TMEM52B: variants seen among roughly 807,000 people sequenced by gnomAD.
TMEM52B encodes the protein transmembrane protein 52B, also known as chromosome 12 open reading frame 59.
In TMEM52B, 11 loss-of-function variants were observed where a neutral mutation model predicts 16.1. The ratio of observed to expected loss-of-function variants is 0.68; its 90% confidence interval spans 0.43 to 1.13. TMEM52B has a LOEUF of 1.13. Among genes scored for constraint, TMEM52B ranks in the 50% most tolerant of loss-of-function variants. The pLI, the probability that TMEM52B is intolerant of heterozygous loss-of-function variation, is 0.00. For synonymous variants in TMEM52B, 101 were observed against 93.8 expected (o/e 1.08, Z -0.45); for missense variants, 243 against 230.4 (o/e 1.05, Z -0.35).
chr12:10,171,901 T>C (rs1466858921), intron 1 of TMEM52B: 2 of 794,404 alleles, frequency 2.5e-6, no homozygotes, highest in African/African-American at 1.7e-5. Flanking sequence ...TATTTTCCCA[T>C]ACTTGGGTGT....
intron 3 of TMEM52B, among the ~76,000 whole-genome samples, chr12:10,185,599 C>A (rs1591991301): frequency 6.6e-6 from 1 of 152,172 alleles, no homozygotes; most frequent in Non-Finnish European, 1.5e-5. Flanking sequence ...ACGAAGATTA[C>A]TTTAGTGAAT....
chr12:10,184,495 T>C (rs1948858136), intron 2 of TMEM52B, among the ~76,000 whole-genome samples: 1 of 152,030 alleles, frequency 6.6e-6, no homozygotes, highest in African/African-American at 2.4e-5. Context: ...AAGCAGGTGG[T>C]GTTGGCATTG....
intron 1 of TMEM52B, among the ~76,000 whole-genome samples, chr12:10,180,065 T>C (rs1948804708): frequency 6.6e-6 from 1 of 152,202 alleles, no homozygotes; most frequent in Non-Finnish European, 1.5e-5. Flanking sequence ...GAGGCAGGGC[T>C]CTTTTAAAAT....
rs780407207 is a variant in TMEM52B at position 10,189,888 on chromosome 12, C to G, written c.308-8C>G. On this transcript the variant is annotated splice_region_variant and splice_polypyrimidine_tract_variant and intron_variant, in intron 4 of 4. Transcript: ENST00000543484. ...AGTTTCTTAGCTCTGTTCCTTCTTTCTTCACAGCTCTGCAGTCGGTGTTTG... is the reference window on the plus strand; with the variant it reads ...AGTTTCTTAGCTCTGTTCCTTCTTTGTTCACAGCTCTGCAGTCGGTGTTTG... 31 of 1,613,104 alleles carry G rather than the reference C, an allele frequency of 1.9e-5. No individual in the cohort carries two copies. Among genetic ancestry groups the G allele is most frequent in the Non-Finnish European group, 2.5e-5 (30 of 1,179,900 alleles).
At position 10,181,853 on chromosome 12, in the gene TMEM52B, C is replaced by A. The variant is rs184008045; in HGVS notation, c.55-697C>A. On this transcript the variant is annotated intron_variant, in intron 1 of 4. Transcript: ENST00000543484. ...ACTAGCCTGGCCAACATGGTGAAACCCTGTGTCTACTAAAAATACAAAAAT... is the reference window on the plus strand; with the variant it reads ...ACTAGCCTGGCCAACATGGTGAAACACTGTGTCTACTAAAAATACAAAAAT... Among the ~76,000 whole-genome samples the A allele has an allele frequency of 8.0e-5, 12 of 150,668 alleles. No individual in the cohort carries two copies. The East Asian group carries it at 2.4e-3, about 30-fold the overall frequency.
intron 2 of TMEM52B, among the ~76,000 whole-genome samples, chr12:10,183,110 A>T (rs73262623): frequency 0.018 from 2,684 of 152,354 alleles, 75 homozygotes; most frequent in African/African-American, 0.061. Context: ...CACAGAGGAC[A>T]TGAAGATAAA....
chr12:10,179,529 A>G lies in TMEM52B; in HGVS notation c.-46A>G. The stretch of plus-strand genomic sequence containing the variant: ...ATGGCACAGAGCATTGAAAGGAGGC[A>G]ACGGATGCCCAGTGCAAGATTCTGA... On this transcript the variant is annotated 5_prime_UTR_variant, in exon 1 of 5. Transcript: ENST00000543484. The G allele has an allele frequency of 6.2e-7, 1 of 1,606,268 alleles. No individual in the cohort carries two copies. Among genetic ancestry groups the G allele is most frequent in the Non-Finnish European group, 8.5e-7 (1 of 1,172,798 alleles).
chr12:10,185,129 C>T (rs1462533688), intron 2 of TMEM52B, among the ~76,000 whole-genome samples: 1 of 152,118 alleles, frequency 6.6e-6, no homozygotes, highest in Non-Finnish European at 1.5e-5. Flanking sequence ...CAGACAATGC[C>T]ATCTATAGTA....
intron 1 of TMEM52B, chr12:10,172,180 T>A (rs187602041): frequency 8.0e-6 from 6 of 752,278 alleles, no homozygotes; most frequent in Non-Finnish European, 1.4e-5. Context: ...TACTGTTATC[T>A]AATAGAAGAA....
intron 1 of TMEM52B, among the ~76,000 whole-genome samples, chr12:10,172,789 G>A (rs919498689): frequency 6.6e-6 from 1 of 152,092 alleles, no homozygotes; most frequent in Non-Finnish European, 1.5e-5. Context: ...CTATGTCTTT[G>A]TCTGGAAATT....
chr12:10,177,817 T>A (rs1001320835), upstream of TMEM52B, among the ~76,000 whole-genome samples: 11 of 145,300 alleles, frequency 7.6e-5, 1 homozygote, highest in South Asian at 1.7e-3. Context: ...AATAATAATT[T>A]TTTTATTAAA....
rs892530409 is a variant in TMEM52B at position 10,190,304 on chromosome 12, C to T, written c.*164C>T. 20 of 905,134 alleles carry T rather than the reference C, an allele frequency of 2.2e-5. No homozygotes were observed. The highest frequency in any genetic ancestry group is 1.0e-4 in the African/African-American group (6 of 59,594). 56.1% of individuals were successfully genotyped at this position (905,134 alleles called of 1,614,324 possible). A position where few individuals can be genotyped will look rare whatever the true frequency, so the allele number is the denominator to read the frequency against. The stretch of plus-strand genomic sequence containing the variant: ...TTCGTTCACAGGCCTTTATATCTTC[C>T]GATACAGAATGCTCTAATTGGGAAC... On this transcript the variant is annotated 3_prime_UTR_variant, in exon 5 of 5. Transcript: ENST00000543484.
At position 10,186,408 on chromosome 12, in the gene TMEM52B, G is replaced by T. The variant is rs777157262; in HGVS notation, c.138-12G>T. ...ATCCCAGAGCTCCCACTCGCCCCGT[G>T]GGCTTTTGCAGGTTGCTAGTGGTAA... is the stretch of plus-strand genomic sequence containing the variant. On this transcript the variant is annotated splice_polypyrimidine_tract_variant and intron_variant, in intron 3 of 4. Coordinates refer to ENST00000543484, the MANE Select transcript of TMEM52B (RefSeq NM_001384896.1). 7 of 1,594,474 alleles carry T rather than the reference G, an allele frequency of 4.4e-6. No homozygotes were observed. In the South Asian group the frequency reaches 7.9e-5, roughly 18 times the overall value.
At chr12:10,185,752 T>A (rs1948871891) in intron 3 of TMEM52B, among the ~76,000 whole-genome samples, 1 of 151,106 alleles carries the variant, frequency 6.6e-6, no homozygotes, top group Admixed American at 6.6e-5. Context: ...CTATTAAAAA[T>A]ACAAAAAAAG....
chr12:10,183,598 A>G (rs7976248), intron 2 of TMEM52B, among the ~76,000 whole-genome samples: 2,330 of 152,306 alleles, frequency 0.015, 63 homozygotes, highest in African/African-American at 0.054. Context: ...ATACACAAAT[A>G]TTTTGCCTCC....
chr12:10,186,678 T>A, intron 4 of TMEM52B, 89 bp downstream of exon 4: 1 of 1,298,574 alleles, frequency 7.7e-7, no homozygotes, highest in Non-Finnish European at 1.0e-6. Flanking sequence ...ACTGATCGAG[T>A]AATATTAAAG....
rs796892538 is a variant in TMEM52B at position 10,182,044 on chromosome 12, A to AC, written c.55-506_55-505insC. ...TCAAAAAAAAAAAAAAAAAAAACAA[A>AC]AAAAAAAAACTTGTTAGCAGTCTGA... On this transcript the variant is annotated intron_variant, in intron 1 of 4. Coordinates refer to ENST00000543484, the MANE Select transcript of TMEM52B (RefSeq NM_001384896.1). 7.0e-3 allele frequency: 4,093 copies of AC among 585,032 alleles called. 140 individuals carry two copies. In the African/African-American group the frequency reaches 0.077, roughly 11 times the overall value. 36.2% of individuals were successfully genotyped at this position (585,032 alleles called of 1,614,324 possible). A position where few individuals can be genotyped will look rare whatever the true frequency, so the allele number is the denominator to read the frequency against.
At chr12:10,174,838 G>A (rs1948754094), upstream of TMEM52B, among the ~76,000 whole-genome samples, 1 of 152,046 alleles carries the variant, frequency 6.6e-6, no homozygotes, top group Admixed American at 6.6e-5. Flanking sequence ...TATAATATTT[G>A]TCCTTTTGTA....
intron 4 of TMEM52B, among the ~76,000 whole-genome samples, chr12:10,189,016 C>A (rs1591993538): frequency 1.2e-4 from 7 of 56,486 alleles, no homozygotes; most frequent in African/African-American, 2.4e-4. Context: ...GACTCCGTCT[C>A]AAAAAAAAAA....
Sources: gnomAD v4.1 joint callset for allele counts (sites outside exome capture counted in the v4.1 genomes callset) on GRCh38, gnomAD v4.1.1 for gene constraint, MANE v1.5 for transcripts, NCBI Gene and HGNC (gene_info 2026-07-23, HGNC 2026-07-21) for gene names.